Variants in SMIM10L3 observed in about 807,000 individuals in gnomAD.
SMIM10L3 encodes small integral membrane protein 10 like 3.
chr7:6,330,939 A>T, the SMIM10L3 span: 1 of 1,614,246 alleles, frequency 6.2e-7, no homozygotes, highest in Admixed American at 1.7e-5. Flanking sequence ...GCCAGAGGCC[A>T]GCCCCGCTCG....
chr7:6,341,606 C>T, the SMIM10L3 span, among the ~76,000 whole-genome samples: 11 of 142,110 alleles, frequency 7.7e-5, no homozygotes, highest in East Asian at 2.1e-4. Context: ...AGGGGAATGG[C>T]GTGAACCCAG....
the SMIM10L3 span, among the ~76,000 whole-genome samples, chr7:6,341,513 C>A: frequency 1.4e-5 from 2 of 147,732 alleles, no homozygotes; most frequent in Non-Finnish European, 3.0e-5. Context: ...TGAAACCCTG[C>A]CTCTACTAAA....
chr7:6,348,902 C>T, the SMIM10L3 span: 15 of 387,014 alleles, frequency 3.9e-5, no homozygotes, highest in Non-Finnish European at 6.8e-5. Context: ...GGAGCGGAGT[C>T]CGCACGTCAC....
chr7:6,334,837 C>G, the SMIM10L3 span, among the ~76,000 whole-genome samples: 2 of 151,424 alleles, frequency 1.3e-5, no homozygotes, highest in East Asian at 3.9e-4. Flanking sequence ...GGCACGATCT[C>G]GACTCACTGC....
the SMIM10L3 span, among the ~76,000 whole-genome samples, chr7:6,348,266 T>G: frequency 6.7e-6 from 1 of 148,186 alleles, no homozygotes; most frequent in Non-Finnish European, 1.5e-5. Context: ...AACTAGAAAA[T>G]TCACCCAACA....
At chr7:6,331,484 T>G in the SMIM10L3 span, among the ~76,000 whole-genome samples, 1 of 151,500 alleles carries the variant, frequency 6.6e-6, no homozygotes, top group East Asian at 2.0e-4. Context: ...TTTGTTTTTT[T>G]GAGACAGAGT....
chr7:6,340,477 T>G, the SMIM10L3 span, among the ~76,000 whole-genome samples: 1 of 152,068 alleles, frequency 6.6e-6, no homozygotes, highest in Non-Finnish European at 1.5e-5. Context: ...TGGAGTCGGC[T>G]GAAGCACGGA....
At chr7:6,330,021 G>C in the SMIM10L3 span, 1 of 255,314 alleles carries the variant, frequency 3.9e-6, no homozygotes, top group East Asian at 1.1e-4. Context: ...GATCAGACAA[G>C]TCAAAAGGAC....
chr7:6,330,143 T>C, the SMIM10L3 span: 11 of 541,242 alleles, frequency 2.0e-5, no homozygotes, highest in Non-Finnish European at 3.0e-5. Flanking sequence ...TCTCCTGAAA[T>C]GTTTCCCAAT....
chr7:6,343,205 C>T, the SMIM10L3 span, among the ~76,000 whole-genome samples: 3 of 150,724 alleles, frequency 2.0e-5, no homozygotes, highest in African/African-American at 4.9e-5. Flanking sequence ...GGTGAAGCCC[C>T]GTCTCTACTA....
the SMIM10L3 span, chr7:6,330,250 G>T: frequency 1.1e-6 from 1 of 934,494 alleles, no homozygotes; most frequent in Non-Finnish European, 1.6e-6. Context: ...CTTTAAGTCT[G>T]CCAGGTCGTA....
the SMIM10L3 span, chr7:6,330,687 T>C: frequency 6.2e-7 from 1 of 1,614,094 alleles, no homozygotes; most frequent in Non-Finnish European, 8.5e-7. Flanking sequence ...TTTGATGGCG[T>C]GGCAGTCGTG....
the SMIM10L3 span, among the ~76,000 whole-genome samples, chr7:6,333,444 A>C: frequency 6.6e-6 from 1 of 152,120 alleles, no homozygotes; most frequent in African/African-American, 2.4e-5. Context: ...CAGAGCAGGA[A>C]AAAGAAAGAA....
chr7:6,336,586 A>G, the SMIM10L3 span, among the ~76,000 whole-genome samples: 1 of 151,706 alleles, frequency 6.6e-6, no homozygotes, highest in Non-Finnish European at 1.5e-5. Flanking sequence ...CAGGAGGCTG[A>G]GACACGAGAA....
the SMIM10L3 span, among the ~76,000 whole-genome samples, chr7:6,339,552 C>A: frequency 6.6e-6 from 1 of 151,788 alleles, no homozygotes; most frequent in East Asian, 1.9e-4. Flanking sequence ...GGAGCAATCT[C>A]AGCTCACTGC....
chr7:6,337,814 T>C, the SMIM10L3 span, among the ~76,000 whole-genome samples: 1 of 151,632 alleles, frequency 6.6e-6, no homozygotes, highest in East Asian at 1.9e-4. Context: ...TATTTATTTA[T>C]TTATTTTGAG....
chr7:6,330,257 C>A, the SMIM10L3 span: 4 of 986,094 alleles, frequency 4.1e-6, no homozygotes, highest in Admixed American at 1.2e-4. Flanking sequence ...TCTGCCAGGT[C>A]GTACAAAACT....
chr7:6,340,965 TAAA>T, the SMIM10L3 span, among the ~76,000 whole-genome samples: 1 of 87,430 alleles, frequency 1.1e-5, no homozygotes, highest in Non-Finnish European at 2.1e-5. Context: ...CTGTCTCTAC[TAAA>T]AAAAAAAAAA....
the SMIM10L3 span, among the ~76,000 whole-genome samples, chr7:6,346,188 G>A: frequency 6.6e-6 from 1 of 152,080 alleles, no homozygotes; most frequent in African/African-American, 2.4e-5. Flanking sequence ...TAACTGGGGA[G>A]GGCTCAGGCC....
Sources: allele counts gnomAD v4.1 joint callset (sites outside exome capture counted in the v4.1 genomes callset), GRCh38; gene constraint gnomAD v4.1.1; transcripts MANE v1.5; gene names NCBI Gene and HGNC (gene_info 2026-07-23, HGNC 2026-07-21).